FAM118B: variants seen among roughly 807,000 people sequenced by gnomAD.
FAM118B encodes the protein protein FAM118B.
In FAM118B, 24 loss-of-function variants were observed where a neutral mutation model predicts 38.5. The ratio of observed to expected loss-of-function variants is 0.62; its 90% CI spans 0.45 to 0.88. The LOEUF (loss-of-function observed/expected upper bound fraction) is 0.88, where lower values mean the gene tolerates loss of function less well. FAM118B is among the 40% of genes least tolerant of loss of function. The probability of loss-of-function intolerance (pLI) is 0.00; values close to 1 mark genes in which losing one functional copy is unlikely to be tolerated. For missense variants in FAM118B, 334 were observed against 420.0 expected, an observed-to-expected ratio of 0.80 and a Z score of 1.79; for synonymous variants, 138 against 156.3, an observed-to-expected ratio of 0.88 and a Z score of 0.87.
At position 126,260,921 on chromosome 11, in the gene FAM118B, C is replaced by T. The variant is rs186030927; in HGVS notation, c.983-504C>T. 4.0e-3 allele frequency: 615 copies of T among 154,370 alleles called. 9 individuals carry two copies. Among genetic ancestry groups the T allele is most frequent in the Admixed American group, 6.6e-3 (104 of 15,764 alleles). The allele number at this position is 154,370 out of a possible 1,614,324, so 9.6% of individuals were successfully genotyped here. Reference sequence around the variant, plus strand: ...TAGGAGCCACATGTGGCTGGTGCACCGTTGAAATGTGGCCAGTGTGACTGA... The same window carrying T: ...TAGGAGCCACATGTGGCTGGTGCACTGTTGAAATGTGGCCAGTGTGACTGA... On this transcript the variant is annotated intron_variant, in intron 7 of 8. Coordinates refer to ENST00000533050, the MANE Select transcript of FAM118B (RefSeq NM_024556.4).
intron 1 of FAM118B, among the ~76,000 whole-genome samples, chr11:126,215,838 G>C (rs1447593456): frequency 6.6e-6 from 1 of 151,652 alleles, no homozygotes; most frequent in Non-Finnish European, 1.5e-5. Flanking sequence ...GCAAGACCTC[G>C]TCTCTACAGA....
In FAM118B at chr11:126,251,673, AT is replaced by A. The variant is rs550981800; in HGVS notation, c.567+948del. Among the ~76,000 whole-genome samples, 777 of 145,972 alleles carry A rather than the reference AT, an allele frequency of 5.3e-3. 5 individuals carry two copies. The highest frequency in any genetic ancestry group is 0.018 in the African/African-American group (697 of 39,372). Reference sequence around the variant, plus strand: ...ACCATCCTATTTAAATTGGATACTTATTTTTTTTATCCAGTCTCTTGTCCGT... The same window carrying A: ...ACCATCCTATTTAAATTGGATACTTATTTTTTTATCCAGTCTCTTGTCCGT... On this transcript the variant is annotated intron_variant, in intron 5 of 8. Transcript: ENST00000533050.
intron 2 of FAM118B, among the ~76,000 whole-genome samples, chr11:126,232,733 A>T (rs752621543): frequency 1.3e-5 from 2 of 151,516 alleles, no homozygotes; most frequent in Non-Finnish European, 2.9e-5. Flanking sequence ...AAAAAAATAT[A>T]TTTTTTCCTT....
intron 3 of FAM118B, among the ~76,000 whole-genome samples, chr11:126,240,395 C>G (rs1950340167): frequency 6.6e-6 from 1 of 150,656 alleles, no homozygotes; most frequent in Non-Finnish European, 1.5e-5. Context: ...GGGTTCTTTT[C>G]TCTTTTTCTA....
intron 3 of FAM118B, among the ~76,000 whole-genome samples, chr11:126,237,215 C>T (rs1177677625): frequency 9.3e-5 from 4 of 43,098 alleles, no homozygotes; most frequent in African/African-American, 8.4e-5. Flanking sequence ...CGCGCCTGGC[C>T]TTTTTTTTTT....
In FAM118B at chr11:126,262,105, T is replaced by G; in HGVS notation, c.1043-15T>G. 6.2e-7 allele frequency: 1 copy of G among 1,614,136 alleles called. No individual in the cohort carries two copies. Among genetic ancestry groups the G allele is most frequent in the Middle Eastern group, 1.6e-4 (1 of 6,062 alleles). ...TGTGAAACTTCATTTTGTTCTCTTT[T>G]CTTTCTCCCTACAGGCTGTAGTACA... On this transcript the variant is annotated splice_polypyrimidine_tract_variant and intron_variant, in intron 8 of 8. Transcript: ENST00000533050.
intron 1 of FAM118B, among the ~76,000 whole-genome samples, chr11:126,213,131 AT>A (rs35458545): frequency 8.7e-5 from 13 of 149,366 alleles, no homozygotes; most frequent in Non-Finnish European, 1.0e-4. Context: ...CCCTGGAAGA[AT>A]TTTTTTTTTT....
In FAM118B at chr11:126,262,102, T is replaced by C. The variant is rs767794369; in HGVS notation, c.1043-18T>C. On this transcript the variant is annotated intron_variant, in intron 8 of 8. Transcript: ENST00000533050. ...TTTTGTGAAACTTCATTTTGTTCTC[T>C]TTTCTTTCTCCCTACAGGCTGTAGT... 1.9e-6 allele frequency: 3 copies of C among 1,614,002 alleles called. No individual in the cohort carries two copies. The highest frequency in any genetic ancestry group is 1.7e-6 in the Non-Finnish European group (2 of 1,179,904).
chr11:126,256,452 T>C lies in FAM118B; in HGVS notation c.697-115T>C. On this transcript the variant is annotated intron_variant, in intron 6 of 8. Coordinates refer to ENST00000533050, the MANE Select transcript of FAM118B (RefSeq NM_024556.4). This position sits in a 1 kb window ranked among gnomAD's most constrained non-coding sequence, Gnocchi z 6.6. ...TCCTTGATGGGACATACCAACCCAC[T>C]TAAGTCTTGCTTAATTGGTCATCAC... is the stretch of plus-strand genomic sequence containing the variant. 4.5e-6 allele frequency: 4 copies of C among 885,730 alleles called. No individual in the cohort carries two copies. The South Asian group carries it at 6.7e-5, about 15-fold the overall frequency. The allele number at this position is 885,730 out of a possible 1,614,324, so 54.9% of individuals were successfully genotyped here. A position where few individuals can be genotyped will look rare whatever the true frequency, so the allele number is the denominator to read the frequency against.
At chr11:126,219,012 T>C (rs1183587789) in intron 1 of FAM118B, among the ~76,000 whole-genome samples, 1 of 152,198 alleles carries the variant, frequency 6.6e-6, no homozygotes. Flanking sequence ...AGGAAGAGAA[T>C]TTGCGCATTA....
intron 6 of FAM118B, 79 bp downstream of exon 6, chr11:126,254,512 G>A: frequency 1.9e-6 from 3 of 1,557,386 alleles, no homozygotes; most frequent in Non-Finnish European, 2.6e-6. Context: ...TCTTAAAGGG[G>A]AACATCTTCT....
rs974500808 is a variant in FAM118B at position 126,244,719 on chromosome 11, A to G, written c.339+3675A>G. On this transcript the variant is annotated intron_variant, in intron 4 of 8. Coordinates refer to ENST00000533050, the MANE Select transcript of FAM118B (RefSeq NM_024556.4). The surrounding 1 kb of genome is among the most constrained non-coding windows in gnomAD (Gnocchi z 4.5). ...CTCGGGAGGTGGAGGCAGGAGAATCACTTGAACCTGGGAGCAGAGGTTGCA... is the reference window on the plus strand; with the variant it reads ...CTCGGGAGGTGGAGGCAGGAGAATCGCTTGAACCTGGGAGCAGAGGTTGCA... Among the ~76,000 whole-genome samples, 2 of 152,092 alleles carry G rather than the reference A, an allele frequency of 1.3e-5. No homozygotes were observed. Among genetic ancestry groups the G allele is most frequent in the Non-Finnish European group, 2.9e-5 (2 of 68,012 alleles).
At chr11:126,232,062 T>G (rs567756075) in intron 2 of FAM118B, among the ~76,000 whole-genome samples, 1 of 152,302 alleles carries the variant, frequency 6.6e-6, no homozygotes, top group East Asian at 1.9e-4. Context: ...TTTTTTTTTG[T>G]TTGTTTTGGC....
intron 1 of FAM118B, among the ~76,000 whole-genome samples, chr11:126,224,475 CAAAAAAAAAAAAAA>C (rs58005174): frequency 1.1e-5 from 1 of 93,244 alleles, no homozygotes; most frequent in African/African-American, 3.9e-5. Context: ...GACCCTGTCT[CAAAAAAAAAAAAAA>C]AAAAAAAAAA....
intron 3 of FAM118B, among the ~76,000 whole-genome samples, chr11:126,236,448 T>C (rs1950275289): frequency 6.6e-6 from 1 of 152,222 alleles, no homozygotes; most frequent in African/African-American, 2.4e-5. Context: ...TTGTATGACC[T>C]CTTTCCCTGT....
intron 1 of FAM118B, among the ~76,000 whole-genome samples, chr11:126,217,397 C>G (rs1949994045): frequency 6.6e-6 from 1 of 152,126 alleles, no homozygotes; most frequent in Admixed American, 6.5e-5. Flanking sequence ...TAATTTTTTG[C>G]TAAAACAGGT....
intron 1 of FAM118B, among the ~76,000 whole-genome samples, chr11:126,216,308 G>C (rs1049831369): frequency 6.6e-6 from 1 of 151,818 alleles, no homozygotes; most frequent in Admixed American, 6.6e-5. Flanking sequence ...CTGGAGAGAT[G>C]GAGGTTGCGG....
intron 4 of FAM118B, among the ~76,000 whole-genome samples, chr11:126,245,696 A>G (rs1282324936): frequency 1.3e-5 from 2 of 152,044 alleles, no homozygotes; most frequent in African/African-American, 4.8e-5. Flanking sequence ...CCTCGGCTCT[A>G]AAAAAGAAAA....
chr11:126,233,956 C>A (rs1044121905), intron 2 of FAM118B, among the ~76,000 whole-genome samples: 4 of 152,102 alleles, frequency 2.6e-5, no homozygotes, highest in Non-Finnish European at 5.9e-5. Flanking sequence ...GTAGCATGTG[C>A]CTGTAGTCCC....
Sources: allele counts gnomAD v4.1 joint callset (sites outside exome capture counted in the v4.1 genomes callset), GRCh38; gene constraint gnomAD v4.1.1; non-coding constraint Gnocchi (gnomAD v3.1); transcripts MANE v1.5; gene names NCBI Gene and HGNC (gene_info 2026-07-23, HGNC 2026-07-21).